DPY30: variants seen among roughly 807,000 people sequenced by gnomAD.
The protein encoded by DPY30 is dpy-30 histone methyltransferase complex regulatory subunit.
In DPY30, 6 loss-of-function variants were observed where a neutral mutation model predicts 16.2. The observed-to-expected ratio is 0.37, with a 90% confidence interval of 0.20 to 0.73. The LOEUF (loss-of-function observed/expected upper bound fraction) is 0.73. Ranked by LOEUF, DPY30 falls within the 30% of genes least tolerant of loss-of-function variation. The pLI is 0.51. For missense variants in DPY30, 73 were observed against 113.1 expected (o/e 0.65, Z 1.61); for synonymous variants, 39 against 38.8 (o/e 1.00, Z -0.02).
chr2:32,012,412 C>G (rs1431349626), intron 5 of DPY30, among the ~76,000 whole-genome samples: 2 of 121,580 alleles, frequency 1.6e-5, no homozygotes, highest in Admixed American at 8.4e-5. Context: ...AAACCTCTCT[C>G]TTTTTTCTTT....
downstream of DPY30, chr2:32,020,968 T>TAA (rs373768556): frequency 1.5e-3 from 212 of 139,234 alleles, 7 homozygotes; most frequent in South Asian, 0.045. Flanking sequence ...CCTCACCTCT[T>TAA]AAAAAAAAAA....
chr2:32,026,122 G>A (rs1312743177), intron 4 of DPY30, among the ~76,000 whole-genome samples: 1 of 151,968 alleles, frequency 6.6e-6, no homozygotes, highest in African/African-American at 2.4e-5. Flanking sequence ...AAAAAAATTT[G>A]TGTTTTAACA....
intron 5 of DPY30, among the ~76,000 whole-genome samples, chr2:32,014,900 G>C (rs1675034743): frequency 6.6e-6 from 1 of 151,992 alleles, no homozygotes; most frequent in Non-Finnish European, 1.5e-5. Context: ...GCTTCCATTT[G>C]TATAGAAATG....
At chr2:32,029,170 G>C (rs185763886) in intron 4 of DPY30, among the ~76,000 whole-genome samples, 1 of 151,996 alleles carries the variant, frequency 6.6e-6, no homozygotes, top group Non-Finnish European at 1.5e-5. Context: ...TACCCGGGAG[G>C]CTGAGACACA....
chr2:32,012,182 T>G (rs1321644457), intron 5 of DPY30: 2 of 152,246 alleles, frequency 1.3e-5, no homozygotes, highest in African/African-American at 4.8e-5. Context: ...TTCTGTTTCC[T>G]CTCCTCCTCC....
chr2:32,025,005 T>G (rs1244606949), intron 4 of DPY30, among the ~76,000 whole-genome samples: 2 of 152,224 alleles, frequency 1.3e-5, no homozygotes, highest in Non-Finnish European at 2.9e-5. Flanking sequence ...GACATCTATT[T>G]TAAACTCTGC....
At chr2:32,015,887 G>A (rs1675054852) in intron 5 of DPY30, among the ~76,000 whole-genome samples, 1 of 150,124 alleles carries the variant, frequency 6.7e-6, no homozygotes, top group Admixed American at 6.7e-5. Context: ...CTTTGTTAAA[G>A]ACTGCCAAGG....
At chr2:32,025,171 AAAATG>A (rs1021045640) in intron 4 of DPY30, among the ~76,000 whole-genome samples, 1 of 152,226 alleles carries the variant, frequency 6.6e-6, no homozygotes, top group Non-Finnish European at 1.5e-5. Context: ...CTTTACTTAA[AAAATG>A]TATTTGGGGC....
rs1241936738 is a variant in DPY30 at position 32,024,193 on chromosome 2, A to G, written c.291T>C (p.Asp97=). 18 of 1,612,226 alleles carry G rather than the reference A, an allele frequency of 1.1e-5. No homozygotes were observed. Among genetic ancestry groups the G allele is most frequent in the Non-Finnish European group, 1.5e-5 (18 of 1,179,156 alleles). Residue 97 remains aspartate (D), a synonymous_variant, in exon 5 of 5, where the codon GAT becomes GAC. Coordinates refer to ENST00000342166, the MANE Select transcript of DPY30 (RefSeq NM_001321209.2). ...YLLKNKAQFE[D]RN ...TGTTCTTCCCATTAAGTCAGTTTCG[A>G]TCTTCAAACTGTGCCTTGTTTTTTA...
downstream of DPY30, among the ~76,000 whole-genome samples, chr2:32,023,209 C>A (rs1203239534): frequency 6.6e-6 from 1 of 152,124 alleles, no homozygotes; most frequent in Non-Finnish European, 1.5e-5. Flanking sequence ...GATAATCACT[C>A]ATATTTGAGA....
Position 32,032,707 on chromosome 2 carries a change from A to G in DPY30, c.85-2971T>C, listed in dbSNP as rs145928952. ...AGACCCTGTTACCATTTTTAAAAGA[A>G]TAATTTTAGGCCGGGCACAGTGGCT... On this transcript the variant is annotated intron_variant, in intron 3 of 4. Coordinates refer to ENST00000342166, the MANE Select transcript of DPY30 (RefSeq NM_001321209.2). Among the ~76,000 whole-genome samples, 1,505 of 152,308 alleles carry G rather than the reference A, an allele frequency of 9.9e-3. 18 individuals carry two copies. Among genetic ancestry groups the G allele is most frequent in the Middle Eastern group, 0.054 (16 of 294 alleles).
intron 3 of DPY30, among the ~76,000 whole-genome samples, chr2:32,033,202 GGAGGCT>G (rs1228486346): frequency 6.6e-6 from 1 of 151,960 alleles, no homozygotes; most frequent in African/African-American, 2.4e-5. Flanking sequence ...CAGGCACTCG[GGAGGCT>G]GAGGCAGGAG....
At chr2:32,033,963 A>C (rs564308622) in intron 3 of DPY30, among the ~76,000 whole-genome samples, 4 of 152,280 alleles carry the variant, frequency 2.6e-5, no homozygotes, top group African/African-American at 7.2e-5. Flanking sequence ...TTCTGCTTGG[A>C]GAACTTACAG....
At chr2:32,033,568 A>C (rs1414771843) in intron 3 of DPY30, among the ~76,000 whole-genome samples, 3 of 152,120 alleles carry the variant, frequency 2.0e-5, no homozygotes, top group Non-Finnish European at 4.4e-5. Context: ...GCTACTCGGG[A>C]GGCTAAGGCA....
chr2:32,032,733 C>G (rs574521696), intron 3 of DPY30, among the ~76,000 whole-genome samples: 1 of 152,290 alleles, frequency 6.6e-6, no homozygotes, highest in South Asian at 2.1e-4. Context: ...CACAGTGGCT[C>G]ACGCCTATAA....
upstream of DPY30, chr2:32,039,814 G>T (rs925809790): frequency 2.9e-6 from 1 of 340,570 alleles, no homozygotes; most frequent in Admixed American, 4.3e-5. Flanking sequence ...GTAAGTGACG[G>T]CTGTCGCACG....
intron 3 of DPY30, among the ~76,000 whole-genome samples, chr2:32,031,091 T>C (rs2148663634): frequency 6.6e-6 from 1 of 152,316 alleles, no homozygotes; most frequent in African/African-American, 2.4e-5. Flanking sequence ...AGTAATTCAT[T>C]GCCTCCATCG....
intron 4 of DPY30, among the ~76,000 whole-genome samples, chr2:32,028,618 T>C (rs1053237371): frequency 6.6e-6 from 1 of 152,066 alleles, no homozygotes; most frequent in African/African-American, 2.4e-5. Flanking sequence ...CTGGCCAACA[T>C]GGTGAAACCC....
At chr2:32,028,652 C>A (rs1396973685) in intron 4 of DPY30, among the ~76,000 whole-genome samples, 1 of 151,896 alleles carries the variant, frequency 6.6e-6, no homozygotes, top group Non-Finnish European at 1.5e-5. Context: ...AATACAAAAA[C>A]TAGCCGGGCA....
Sources: allele counts gnomAD v4.1 joint callset (sites outside exome capture counted in the v4.1 genomes callset), GRCh38; gene constraint gnomAD v4.1.1; transcripts MANE v1.5; gene names NCBI Gene and HGNC (gene_info 2026-07-23, HGNC 2026-07-21).